The following TP53BP1 variants were observed in gnomAD, a reference collection of about 807,000 sequenced individuals.
TP53BP1 encodes the protein tumor protein p53 binding protein 1, also known as TP53-binding protein 1.
Under a neutral mutation model 200.8 loss-of-function variants are expected in TP53BP1, and 61 were observed. The ratio of observed to expected loss-of-function variants is 0.30; its 90% CI spans 0.25 to 0.38. TP53BP1 has a LOEUF of 0.38. Among genes scored for constraint, TP53BP1 ranks in the 10% least tolerant of loss-of-function variants. The pLI, the probability that TP53BP1 is intolerant of heterozygous loss-of-function variation, is 1.00. For missense variants in TP53BP1, 2,144 were observed against 2,371.9 expected, an observed-to-expected ratio of 0.90 and a Z score of 2.00; for synonymous variants, 822 against 844.3, an observed-to-expected ratio of 0.97 and a Z score of 0.46.
chr15:43,479,948 G>A lies in TP53BP1; in HGVS notation c.569C>T (p.Thr190Ile). 6.2e-7 allele frequency: 1 copy of A among 1,614,132 alleles called. No homozygotes were observed. Among genetic ancestry groups the A allele is most frequent in the Non-Finnish European group, 8.5e-7 (1 of 1,180,014 alleles). ...LSQSQDVEEN[T>I]VPYEVDKEQL... ...CTCTTTGTCCACTTCATATGGCACA[G>A]TATTTTCCTCAACATCCTGGCTCTG... Residue 190 changes from threonine to isoleucine, a missense_variant, in exon 6 of 28, where the codon ACT becomes ATT. Transcript: ENST00000382044.
intron 7 of TP53BP1, among the ~76,000 whole-genome samples, chr15:43,478,660 GA>G (rs1353511849): frequency 6.6e-6 from 1 of 152,144 alleles, no homozygotes; most frequent in Admixed American, 6.5e-5. Flanking sequence ...AGAGCCTAAA[GA>G]ACCTGAGAAA....
chr15:43,451,473 T>G (rs1411586612), intron 12 of TP53BP1, among the ~76,000 whole-genome samples: 2 of 152,194 alleles, frequency 1.3e-5, no homozygotes, highest in African/African-American at 4.8e-5. Context: ...CTGAGAATGA[T>G]GATTTCCAAT....
intron 1 of TP53BP1, among the ~76,000 whole-genome samples, chr15:43,508,965 T>C (rs1028914608): frequency 6.6e-6 from 1 of 152,156 alleles, no homozygotes; most frequent in Non-Finnish European, 1.5e-5. Context: ...GTCTAGTCTC[T>C]TTGTGAGACT....
At chr15:43,494,602 T>C (rs1231307918), upstream of TP53BP1, among the ~76,000 whole-genome samples, 2 of 152,174 alleles carry the variant, frequency 1.3e-5, no homozygotes, top group Non-Finnish European at 2.9e-5. Flanking sequence ...ATTGACTCTT[T>C]TCATACTCCA....
chr15:43,448,017 T>C (rs953395145), intron 12 of TP53BP1, among the ~76,000 whole-genome samples: 1 of 152,188 alleles, frequency 6.6e-6, no homozygotes, highest in East Asian at 1.9e-4. Flanking sequence ...GACTTCAAGA[T>C]ACTGACTGGT....
Position 43,404,461 on chromosome 15 carries a change from C to G in TP53BP1, c.*2922G>C. 2 of 1,614,092 alleles carry G rather than the reference C, an allele frequency of 1.2e-6. No individual in the cohort carries two copies. Among genetic ancestry groups the G allele is most frequent in the Non-Finnish European group, 1.7e-6 (2 of 1,179,994 alleles). On this transcript the variant is annotated 3_prime_UTR_variant, in exon 28 of 28. Coordinates refer to ENST00000382044, the MANE Select transcript of TP53BP1 (RefSeq NM_001141980.3). Reference sequence around the variant, plus strand: ...CCTGTTCAAGATTCTCTCCAGTGTTCGGAATCATCAGATCAACTCAGATTT... The same window carrying G: ...CCTGTTCAAGATTCTCTCCAGTGTTGGGAATCATCAGATCAACTCAGATTT...
At chr15:43,410,028 G>GTTC (rs1192615964) in intron 24 of TP53BP1, among the ~76,000 whole-genome samples, 9 of 152,134 alleles carry the variant, frequency 5.9e-5, no homozygotes, top group African/African-American at 2.2e-4. Context: ...GATAGGGATG[G>GTTC]GAACACAATC....
chr15:43,435,864 T>G (rs2045785131), intron 16 of TP53BP1, among the ~76,000 whole-genome samples: 1 of 152,016 alleles, frequency 6.6e-6, no homozygotes, highest in Non-Finnish European at 1.5e-5. Flanking sequence ...CCTGGCTAAT[T>G]TTTGTATTTT....
Position 43,407,904 on chromosome 15 carries a change from T to A in TP53BP1, c.5746+39A>T, listed in dbSNP as rs534931140. On this transcript the variant is annotated intron_variant, in intron 27 of 27. Transcript: ENST00000382044. ...CCTAACACCTACAGGTCTAAGGAGA[T>A]CCCTGGAACAAAGACACTACACACA... The A allele has an allele frequency of 8.8e-6, 14 of 1,589,718 alleles. No individual in the cohort carries two copies. In the African/African-American group the frequency reaches 1.7e-4, roughly 20 times the overall value.
intron 18 of TP53BP1, among the ~76,000 whole-genome samples, chr15:43,427,792 C>CA (rs1376189445): frequency 6.6e-6 from 1 of 151,772 alleles, no homozygotes; most frequent in Non-Finnish European, 1.5e-5. Context: ...CTTGTCCATC[C>CA]AAAAAATAAA....
intron 18 of TP53BP1, among the ~76,000 whole-genome samples, chr15:43,427,721 C>G (rs1203678692): frequency 1.3e-5 from 2 of 151,984 alleles, no homozygotes; most frequent in Non-Finnish European, 2.9e-5. Flanking sequence ...TTTGGGAGGC[C>G]AAAGCAGAAG....
chr15:43,451,346 C>G (rs968150280), intron 12 of TP53BP1, among the ~76,000 whole-genome samples: 2 of 151,980 alleles, frequency 1.3e-5, no homozygotes, highest in Non-Finnish European at 2.9e-5. Context: ...CCCCCCACCC[C>G]ACAACAGTCC....
intron 11 of TP53BP1, among the ~76,000 whole-genome samples, chr15:43,461,407 G>T (rs890304699): frequency 6.6e-6 from 1 of 151,638 alleles, no homozygotes; most frequent in African/African-American, 2.4e-5. Context: ...TTGTAGAGAC[G>T]AGATTTTGCC....
rs769576550 is a variant in TP53BP1, at chr15:43,492,102, AATACAC to A, written c.193-13_193-8del. ...CAGGATTGGACACAACATCCTAGAA[AATACAC>A]ATACAAAATATCCCCATTATATATG... On this transcript the variant is annotated splice_region_variant and splice_polypyrimidine_tract_variant and intron_variant, in intron 2 of 27. Coordinates refer to ENST00000382044, the MANE Select transcript of TP53BP1 (RefSeq NM_001141980.3). 1.9e-5 allele frequency: 31 copies of A among 1,605,322 alleles called. No homozygotes were observed. The highest frequency in any genetic ancestry group is 2.5e-5 in the Non-Finnish European group (29 of 1,172,092).
intron 4 of TP53BP1, among the ~76,000 whole-genome samples, chr15:43,486,859 C>CAAGTGATCCA (rs2079053910): frequency 6.6e-6 from 1 of 152,148 alleles, no homozygotes; most frequent in South Asian, 2.1e-4. Flanking sequence ...CTCCTGAGCT[C>CAAGTGATCCA]AAGTGATCCA....
At chr15:43,437,028 A>C (rs2045814802) in intron 16 of TP53BP1, among the ~76,000 whole-genome samples, 1 of 151,924 alleles carries the variant, frequency 6.6e-6, no homozygotes, top group African/African-American at 2.4e-5. Context: ...ACACGGCAGC[A>C]CATGCCTGTA....
At chr15:43,507,456 T>C (rs539553127) in intron 1 of TP53BP1, among the ~76,000 whole-genome samples, 66 of 152,320 alleles carry the variant, frequency 4.3e-4, no homozygotes, top group Admixed American at 1.5e-3. Context: ...TTGTTCAATA[T>C]GCCAAGAACC....
chr15:43,413,143 T>C lies in TP53BP1; in HGVS notation c.5281A>G (p.Thr1761Ala). Residue 1761 changes from threonine (T) to alanine (A), a missense_variant, in exon 24 of 28, where the codon ACA (threonine) becomes GCA (alanine). Transcript: ENST00000382044. ...CCCTCCTCTTCTTCACTGCTTCCTG[T>C]AGGACCATCTGGCAGTTTGGAGCGG... is the stretch of plus-strand genomic sequence containing the variant. ...ASRSKLPDGPTGSSEEEEEFL... is the reference protein window; with the variant it reads ...ASRSKLPDGPAGSSEEEEEFL... The C allele has an allele frequency of 1.9e-6, 3 of 1,614,164 alleles. No individual in the cohort carries two copies. Among genetic ancestry groups the C allele is most frequent in the South Asian group, 1.1e-5 (1 of 91,082 alleles).
At position 43,407,306 on chromosome 15, in the gene TP53BP1, C is replaced by CACAAG; in HGVS notation, c.*72_*76dup. On this transcript the variant is annotated 3_prime_UTR_variant, in exon 28 of 28. Transcript: ENST00000382044. ...GATCCATGCAAGGAATCCAGTTACA[C>CACAAG]ACAAGACACATTTAAAACCTGGTTA... 2 of 1,302,544 alleles carry CACAAG rather than the reference C, an allele frequency of 1.5e-6. No individual in the cohort carries two copies. The highest frequency in any genetic ancestry group is 2.2e-6 in the Non-Finnish European group (2 of 915,580). The allele number at this position is 1,302,544 out of a possible 1,614,324, so 80.7% of individuals were successfully genotyped here.
Sources: allele counts gnomAD v4.1 joint callset (sites outside exome capture counted in the v4.1 genomes callset), GRCh38; gene constraint gnomAD v4.1.1; transcripts MANE v1.5; gene names NCBI Gene and HGNC (gene_info 2026-07-23, HGNC 2026-07-21).